The following RBFOX1 variants were observed in gnomAD, a reference collection of about 807,000 sequenced individuals.
The protein encoded by RBFOX1 is RNA binding protein fox-1 homolog 1.
RBFOX1 carries 8 observed loss-of-function variants against 57.7 expected under a neutral mutation model. The ratio of observed to expected loss-of-function variants is 0.14; its 90% CI spans 0.08 to 0.25. The LOEUF (loss-of-function observed/expected upper bound fraction) is 0.25, where lower values mean the gene tolerates loss of function less well. Among genes scored for constraint, RBFOX1 ranks in the 10% least tolerant of loss-of-function variants. RBFOX1 has a pLI of 1.00. For missense variants in RBFOX1, 611 were observed against 548.5 expected (o/e 1.11, Z -1.14); for synonymous variants, 326 against 222.4 (o/e 1.47, Z -4.15).
chr16:7,473,259 T>C (rs1049502000), intron 4 of RBFOX1, among the ~76,000 whole-genome samples: 2 of 151,864 alleles, frequency 1.3e-5, no homozygotes, highest in East Asian at 3.9e-4. Flanking sequence ...GTGCCTGTAA[T>C]CCCAGCTACT....
chr16:5,810,612 T>C (rs990794964), intron 3 of RBFOX1, among the ~76,000 whole-genome samples: 9 of 152,262 alleles, frequency 5.9e-5, no homozygotes, highest in African/African-American at 1.2e-4. Flanking sequence ...TCCTGCTGGG[T>C]TGACCCAGCC....
chr16:6,925,660 G>A (rs1038381792), intron 3 of RBFOX1, among the ~76,000 whole-genome samples: 1 of 151,964 alleles, frequency 6.6e-6, no homozygotes, highest in Non-Finnish European at 1.5e-5. Context: ...CTTAGGGTAG[G>A]GCCTGGAATG....
intron 4 of RBFOX1, among the ~76,000 whole-genome samples, chr16:7,077,177 T>C (rs2058440546): frequency 6.6e-6 from 1 of 152,194 alleles, no homozygotes; most frequent in African/African-American, 2.4e-5. Flanking sequence ...ATAAGCGGTT[T>C]CCCAGCTGCG....
At chr16:7,551,537 T>C (rs2086538261) in intron 5 of RBFOX1, among the ~76,000 whole-genome samples, 1 of 152,166 alleles carries the variant, frequency 6.6e-6, no homozygotes, top group South Asian at 2.1e-4. Flanking sequence ...TGACATTGTT[T>C]TGAGGGAAAT....
chr16:6,299,707 G>A (rs1165502707), intron 1 of RBFOX1, among the ~76,000 whole-genome samples: 1 of 152,118 alleles, frequency 6.6e-6, no homozygotes, highest in African/African-American at 2.4e-5. Flanking sequence ...CCTAAACTCA[G>A]TTATTTGCAG....
At chr16:7,017,136 C>G (rs1051142578) in intron 3 of RBFOX1, among the ~76,000 whole-genome samples, 1 of 152,030 alleles carries the variant, frequency 6.6e-6, no homozygotes, top group Non-Finnish European at 1.5e-5. Context: ...AATAAAAAAG[C>G]AAAACAGCTG....
rs369775483 is a variant in RBFOX1 at position 7,075,829 on chromosome 16, C to G, written c.27+23731C>G. 1.6e-4 allele frequency among the ~76,000 whole-genome samples: 25 copies of G among 152,220 alleles called. 2 individuals are homozygous for G. Among genetic ancestry groups the G allele is most frequent in the East Asian group, 1.4e-3 (7 of 5,142 alleles). On this transcript the variant is annotated intron_variant, in intron 4 of 15. Transcript: ENST00000550418. ...TCTCCTGACCTCGTGATCTGCCTGC[C>G]TCAGCTTCCCAAAGTGCTGGGATTA...
chr16:7,038,946 C>G (rs2045335337), intron 3 of RBFOX1, among the ~76,000 whole-genome samples: 1 of 152,152 alleles, frequency 6.6e-6, no homozygotes, highest in African/African-American at 2.4e-5. Flanking sequence ...TCCCTTTAAT[C>G]AGATAACCAA....
chr16:6,212,606 C>G (rs1214766912), intron 1 of RBFOX1, among the ~76,000 whole-genome samples: 1 of 152,054 alleles, frequency 6.6e-6, no homozygotes, highest in African/African-American at 2.4e-5. Flanking sequence ...ACTTGGGAGG[C>G]TGAGGCTGGA....
chr16:7,526,326 T>G (rs1389590998), intron 5 of RBFOX1, among the ~76,000 whole-genome samples: 1 of 152,154 alleles, frequency 6.6e-6, no homozygotes, highest in Admixed American at 6.6e-5. Flanking sequence ...TGAAGATTGG[T>G]TTCTTCGTGG....
chr16:7,399,044 G>C (rs568447454), intron 4 of RBFOX1, among the ~76,000 whole-genome samples: 1 of 152,186 alleles, frequency 6.6e-6, no homozygotes, highest in African/African-American at 2.4e-5. Flanking sequence ...TGACTGTTGG[G>C]TACTCTGCTC....
intron 5 of RBFOX1, among the ~76,000 whole-genome samples, chr16:7,552,095 C>T (rs1186850036): frequency 2.6e-5 from 4 of 152,196 alleles, no homozygotes; most frequent in Non-Finnish European, 5.9e-5. Flanking sequence ...GTCATTTTAT[C>T]TCATTCTCTC....
chr16:5,656,388 A>G (rs1017334130), intron 3 of RBFOX1, among the ~76,000 whole-genome samples: 4 of 152,190 alleles, frequency 2.6e-5, no homozygotes, highest in African/African-American at 7.2e-5. Flanking sequence ...ACTCTCTCAC[A>G]TTCATTTAAG....
At chr16:7,237,240 A>G (rs546571268) in intron 4 of RBFOX1, among the ~76,000 whole-genome samples, 2 of 152,300 alleles carry the variant, frequency 1.3e-5, no homozygotes, top group East Asian at 1.9e-4. Context: ...AGAAGACCAC[A>G]TGCTGGATCA....
chr16:5,358,950 C>T (rs1217833942), intron 1 of RBFOX1, among the ~76,000 whole-genome samples: 1 of 152,228 alleles, frequency 6.6e-6, no homozygotes, highest in Admixed American at 6.5e-5. Context: ...CCCCACCTCT[C>T]CCTCCACCCT....
chr16:6,564,075 C>A (rs1387339083), intron 2 of RBFOX1, among the ~76,000 whole-genome samples: 1 of 152,030 alleles, frequency 6.6e-6, no homozygotes, highest in African/African-American at 2.4e-5. Flanking sequence ...CAACCTTAAC[C>A]TCACAATCAC....
intron 4 of RBFOX1, among the ~76,000 whole-genome samples, chr16:7,466,187 G>C (rs1357263654): frequency 2.6e-5 from 4 of 152,174 alleles, no homozygotes; most frequent in Non-Finnish European, 4.4e-5. Flanking sequence ...TAGCACAGTT[G>C]TAATTTGCAT....
intron 3 of RBFOX1, among the ~76,000 whole-genome samples, chr16:6,669,365 G>C (rs1376488294): frequency 2.0e-5 from 3 of 152,098 alleles, no homozygotes; most frequent in African/African-American, 7.2e-5. Context: ...TTCTGGGTTA[G>C]GATTTATTTT....
chr16:5,865,376 A>G (rs2057321927), intron 3 of RBFOX1, among the ~76,000 whole-genome samples: 1 of 152,064 alleles, frequency 6.6e-6, no homozygotes, highest in African/African-American at 2.4e-5. Flanking sequence ...GAAGGTTCCA[A>G]ACTCTGACAT....
Sources: allele counts gnomAD v4.1 joint callset (sites outside exome capture counted in the v4.1 genomes callset), GRCh38; gene constraint gnomAD v4.1.1; transcripts MANE v1.5; gene names NCBI Gene and HGNC (gene_info 2026-07-23, HGNC 2026-07-21).